FGF14: variants seen among roughly 807,000 people sequenced by gnomAD.
FGF14 encodes the protein fibroblast growth factor 14.
A neutral mutation model predicts 25.5 loss-of-function variants in FGF14; 5 were observed. The observed-to-expected ratio is 0.20, with a 90% CI of 0.10 to 0.41. The LOEUF (loss-of-function observed/expected upper bound fraction) is 0.41. FGF14 is among the 10% of genes least tolerant of loss of function. FGF14 has a pLI of 1.00. For missense variants in FGF14, 222 were observed against 320.1 expected (o/e 0.69, Z 2.34); for synonymous variants, 138 against 118.3 (o/e 1.17, Z -1.08).
chr13:102,034,778 C>T lies in FGF14; in HGVS notation c.209-159482G>A, dbSNP rs114123714. Among the ~76,000 whole-genome samples, 236 of 152,208 alleles carry T rather than the reference C, an allele frequency of 1.6e-3. 2 individuals carry two copies. Among genetic ancestry groups the T allele is most frequent in the African/African-American group, 5.3e-3 (222 of 41,546 alleles). Reference sequence around the variant, plus strand: ...TTGGTGGCATTAGATGATGGCTATGCCACGAAACTTTAAAAATAAAAAGCA... The same window carrying T: ...TTGGTGGCATTAGATGATGGCTATGTCACGAAACTTTAAAAATAAAAAGCA... On this transcript the variant is annotated intron_variant, in intron 1 of 4. Coordinates refer to the FGF14 transcript ENST00000376131.
chr13:101,796,101 A>T (rs2040506150), intron 3 of FGF14, among the ~76,000 whole-genome samples: 1 of 152,100 alleles, frequency 6.6e-6, no homozygotes, highest in Non-Finnish European at 1.5e-5. Flanking sequence ...ATAACCTATA[A>T]TATTTTTAGA....
intron 1 of FGF14, among the ~76,000 whole-genome samples, chr13:102,369,517 A>G (rs1166424758): frequency 2.0e-5 from 3 of 152,170 alleles, no homozygotes; most frequent in Non-Finnish European, 4.4e-5. Flanking sequence ...ATGGTGACAC[A>G]GGATCTGGCT....
intron 3 of FGF14, among the ~76,000 whole-genome samples, chr13:101,746,165 G>T (rs1476161843): frequency 1.3e-5 from 2 of 151,986 alleles, no homozygotes; most frequent in African/African-American, 4.8e-5. Context: ...ATGTGGCTGA[G>T]ATTAATTATT....
At chr13:102,261,882 G>A (rs1287503962) in intron 1 of FGF14, among the ~76,000 whole-genome samples, 1 of 152,128 alleles carries the variant, frequency 6.6e-6, no homozygotes, top group Non-Finnish European at 1.5e-5. Context: ...GGCCTCTTTG[G>A]TGTGATCACC....
At chr13:102,128,650 C>A (rs2046051389) in intron 1 of FGF14, among the ~76,000 whole-genome samples, 1 of 152,164 alleles carries the variant, frequency 6.6e-6, no homozygotes, top group Non-Finnish European at 1.5e-5. Context: ...GGAAATGAAG[C>A]ATGAAGCTCA....
chr13:101,785,816 T>C (rs1399724586), intron 3 of FGF14, among the ~76,000 whole-genome samples: 2 of 152,168 alleles, frequency 1.3e-5, no homozygotes, highest in African/African-American at 4.8e-5. Context: ...TAAGTTAATT[T>C]ATAGTGCTTC....
intron 3 of FGF14, among the ~76,000 whole-genome samples, chr13:101,750,501 G>A (rs1238353200): frequency 6.6e-6 from 1 of 151,984 alleles, no homozygotes; most frequent in Non-Finnish European, 1.5e-5. Context: ...AGGGATGAAT[G>A]GCATTCATCC....
chr13:101,784,424 CCA>C (rs2039689411), intron 3 of FGF14, among the ~76,000 whole-genome samples: 1 of 152,120 alleles, frequency 6.6e-6, no homozygotes, highest in Admixed American at 6.5e-5. Flanking sequence ...CCACAAGGCT[CCA>C]CTTATGACCC....
chr13:102,161,607 G>GA (rs1470499722), intron 1 of FGF14, among the ~76,000 whole-genome samples: 29 of 2,656 alleles, frequency 0.011, 4 homozygotes, highest in Non-Finnish European at 3.5e-3. Flanking sequence ...AGAAGAAGAA[G>GA]AAGAAGAAGA....
rs2048814959 is a variant in FGF14 at position 102,184,822 on chromosome 13, G to A, written c.208+216649C>T. The stretch of plus-strand genomic sequence containing the variant: ...TAATTTAGAATATTCATCTCTTTTG[G>A]CCTATTAATTCTTCTTAGAAACTAC... On this transcript the variant is annotated intron_variant, in intron 1 of 4. Coordinates refer to the FGF14 transcript ENST00000376131. 2.0e-5 allele frequency among the ~76,000 whole-genome samples: 3 copies of A among 152,084 alleles called. No individual in the cohort carries two copies. The South Asian group carries it at 6.2e-4, about 31-fold the overall frequency.
At chr13:102,277,398 A>C (rs562198363) in intron 1 of FGF14, among the ~76,000 whole-genome samples, 1 of 152,324 alleles carries the variant, frequency 6.6e-6, no homozygotes, top group Admixed American at 6.5e-5. Flanking sequence ...TGTGCAGGGC[A>C]CTCAATGCCC....
chr13:101,844,869 C>T (rs2043368959), intron 3 of FGF14, among the ~76,000 whole-genome samples: 1 of 152,018 alleles, frequency 6.6e-6, no homozygotes, highest in South Asian at 2.1e-4. Flanking sequence ...GAAGACTACA[C>T]TGCAAATGCC....
chr13:102,378,702 A>T (rs1040653762), intron 1 of FGF14, among the ~76,000 whole-genome samples: 4 of 151,792 alleles, frequency 2.6e-5, no homozygotes, highest in Non-Finnish European at 5.9e-5. Flanking sequence ...ACTACCAAAA[A>T]CAAAACAAAA....
In FGF14 at chr13:101,713,770, A is replaced by C. The variant is rs2034588159; in HGVS notation, c.*9061T>G. On this transcript the variant is annotated 3_prime_UTR_variant, in exon 5 of 5. Coordinates refer to ENST00000376143, the MANE Select transcript of FGF14 (RefSeq NM_004115.4). ...GGAAGTTTTTTAGTTAGGTAGGAGA[A>C]ATGGGTGAAGTGGAGGGAAAAAGAG... 6.6e-6 allele frequency: 1 copy of C among 152,164 alleles called. No homozygotes were observed. Among genetic ancestry groups the C allele is most frequent in the Non-Finnish European group, 1.5e-5 (1 of 68,030 alleles). 9.4% of individuals were successfully genotyped at this position (152,164 alleles called of 1,614,324 possible).
chr13:102,330,063 C>T (rs2056586411), intron 1 of FGF14, among the ~76,000 whole-genome samples: 1 of 152,140 alleles, frequency 6.6e-6, no homozygotes, highest in African/African-American at 2.4e-5. Flanking sequence ...CAAGTGGACC[C>T]TTAATGCTGA....
chr13:102,375,100 A>G (rs1441473261), intron 1 of FGF14, among the ~76,000 whole-genome samples: 37 of 152,176 alleles, frequency 2.4e-4, no homozygotes, highest in Admixed American at 2.4e-3. Flanking sequence ...AAAATGAGCC[A>G]TAACATCTGG....
intron 1 of FGF14, among the ~76,000 whole-genome samples, chr13:102,222,740 T>C (rs892422062): frequency 6.6e-6 from 1 of 152,178 alleles, no homozygotes; most frequent in Admixed American, 6.6e-5. Context: ...CCCATTCTCC[T>C]TGAGTAGTCT....
intron 1 of FGF14, among the ~76,000 whole-genome samples, chr13:102,337,664 G>T (rs2056826386): frequency 6.6e-6 from 1 of 152,042 alleles, no homozygotes; most frequent in African/African-American, 2.4e-5. Flanking sequence ...CTAGTGAAAG[G>T]AAGAGTCCAT....
chr13:102,382,970 A>T (rs768251691), intron 1 of FGF14, among the ~76,000 whole-genome samples: 16 of 152,156 alleles, frequency 1.1e-4, no homozygotes, highest in Non-Finnish European at 2.2e-4. Flanking sequence ...AGTTACTGCT[A>T]ATAGGTATGG....
Sources: gnomAD v4.1 joint callset for allele counts (sites outside exome capture counted in the v4.1 genomes callset) on GRCh38, gnomAD v4.1.1 for gene constraint, MANE v1.5 for transcripts, NCBI Gene and HGNC (gene_info 2026-07-23, HGNC 2026-07-21) for gene names.